The following RALGPS2 variants were observed in gnomAD, a reference collection of about 807,000 sequenced individuals.
RALGPS2 encodes the protein Ral GEF with PH domain and SH3 binding motif 2.
Under a neutral mutation model 86.8 loss-of-function variants are expected in RALGPS2, and 43 were observed. That is an observed-to-expected ratio of 0.50 (90% CI 0.39 to 0.64). The LOEUF is 0.64. RALGPS2 is among the 30% of genes least tolerant of loss of function. The pLI is 0.00. For missense variants in RALGPS2, 536 were observed against 694.6 expected, an observed-to-expected ratio of 0.77 and a Z score of 2.57; for synonymous variants, 243 against 231.3, an observed-to-expected ratio of 1.05 and a Z score of -0.46.
chr1:178,738,552 T>C (rs1371697915), intron 1 of RALGPS2, among the ~76,000 whole-genome samples: 1 of 152,232 alleles, frequency 6.6e-6, no homozygotes, highest in Non-Finnish European at 1.5e-5. Context: ...AATGTGAATG[T>C]CAAAACTAAA....
intron 4 of RALGPS2, among the ~76,000 whole-genome samples, chr1:178,786,207 T>C (rs1653642170): frequency 6.6e-6 from 1 of 152,044 alleles, no homozygotes; most frequent in African/African-American, 2.4e-5. Context: ...ATGTGTTGTT[T>C]ACAGGTCAGC....
chr1:178,822,874 G>A (rs1006795825), intron 7 of RALGPS2, among the ~76,000 whole-genome samples: 14 of 152,148 alleles, frequency 9.2e-5, no homozygotes, highest in African/African-American at 3.4e-4. Flanking sequence ...CCAGGCTGGA[G>A]TGTAGCACGA....
chr1:178,746,337 A>T (rs548884666), intron 1 of RALGPS2, among the ~76,000 whole-genome samples: 7 of 152,140 alleles, frequency 4.6e-5, no homozygotes, highest in Non-Finnish European at 8.8e-5. Context: ...CCTTATATAT[A>T]TTTTTTTATT....
chr1:178,773,245 G>A (rs1426895626), intron 1 of RALGPS2, among the ~76,000 whole-genome samples: 1 of 152,264 alleles, frequency 6.6e-6, no homozygotes, highest in African/African-American at 2.4e-5. Flanking sequence ...AGAAAGCTGA[G>A]GTGGTGGGAG....
intron 8 of RALGPS2, chr1:178,853,600 A>G: frequency 2.5e-6 from 4 of 1,594,292 alleles, no homozygotes; most frequent in Non-Finnish European, 3.4e-6. Flanking sequence ...TTACCTTATA[A>G]TTTTCCCAAT....
At chr1:178,760,948 A>G (rs1652207116) in intron 1 of RALGPS2, among the ~76,000 whole-genome samples, 1 of 150,416 alleles carries the variant, frequency 6.6e-6, no homozygotes, top group Admixed American at 6.6e-5. Context: ...CGGTCAGTTT[A>G]CATAATCCCA....
chr1:178,819,451 A>G (rs867379550), intron 6 of RALGPS2, among the ~76,000 whole-genome samples: 3 of 152,150 alleles, frequency 2.0e-5, no homozygotes, highest in Admixed American at 6.5e-5. Context: ...CGCTCAGGCA[A>G]TGAGTCCTTC....
At chr1:178,783,210 A>G (rs1429341922) in intron 2 of RALGPS2, among the ~76,000 whole-genome samples, 9 of 152,322 alleles carry the variant, frequency 5.9e-5, no homozygotes, top group African/African-American at 2.2e-4. Flanking sequence ...ACAAAAACGA[A>G]GAATGCCTTT....
At chr1:178,794,047 A>C (rs528300833) in intron 4 of RALGPS2, among the ~76,000 whole-genome samples, 1 of 152,320 alleles carries the variant, frequency 6.6e-6, no homozygotes, top group South Asian at 2.1e-4. Flanking sequence ...TCTTATATAC[A>C]TAGTTCTCCT....
At chr1:178,816,261 T>A (rs1408085119) in intron 6 of RALGPS2, among the ~76,000 whole-genome samples, 1 of 152,174 alleles carries the variant, frequency 6.6e-6, no homozygotes, top group East Asian at 1.9e-4. Context: ...TTTTTTTTTT[T>A]AATCTGGCCT....
At chr1:178,810,724 A>C (rs1469912298) in intron 5 of RALGPS2, among the ~76,000 whole-genome samples, 2 of 152,032 alleles carry the variant, frequency 1.3e-5, no homozygotes, top group South Asian at 2.1e-4. Context: ...TGCAAGTAAA[A>C]TCTGAAATAT....
At chr1:178,739,837 G>A (rs1053409086) in intron 1 of RALGPS2, among the ~76,000 whole-genome samples, 3 of 152,194 alleles carry the variant, frequency 2.0e-5, no homozygotes, top group Admixed American at 2.0e-4. Context: ...TGCTGCACTT[G>A]TTTATCTAAA....
chr1:178,808,880 C>CT (rs1349779079), intron 5 of RALGPS2, among the ~76,000 whole-genome samples: 1 of 151,950 alleles, frequency 6.6e-6, no homozygotes, highest in Non-Finnish European at 1.5e-5. Context: ...TTAATTTTTT[C>CT]TTTTTTTAGA....
chr1:178,900,917 A>G (rs962388751), intron 17 of RALGPS2, among the ~76,000 whole-genome samples: 1 of 151,984 alleles, frequency 6.6e-6, no homozygotes, highest in African/African-American at 2.4e-5. Flanking sequence ...TACTTTTTGA[A>G]AAAGGGAATT....
chr1:178,839,212 A>G lies in RALGPS2; in HGVS notation c.607+5662A>G, dbSNP rs369599058. On this transcript the variant is annotated intron_variant, in intron 8 of 19. Transcript: ENST00000367635. ...AGCAACTCCAAGACACATAATTGCCAGATTCACCAAAGTTGAAATGAAGGA... is the reference window on the plus strand; with the variant it reads ...AGCAACTCCAAGACACATAATTGCCGGATTCACCAAAGTTGAAATGAAGGA... 9.2e-5 allele frequency among the ~76,000 whole-genome samples: 14 copies of G among 152,344 alleles called. No individual in the cohort carries two copies. In the South Asian group the frequency reaches 1.0e-3, roughly 11 times the overall value.
chr1:178,909,220 G>C (rs992073047), intron 19 of RALGPS2, among the ~76,000 whole-genome samples: 1 of 152,126 alleles, frequency 6.6e-6, no homozygotes, highest in African/African-American at 2.4e-5. Flanking sequence ...GTAGGTGTGA[G>C]GCATTATTTC....
At chr1:178,779,227 T>C (rs558595144) in intron 2 of RALGPS2, among the ~76,000 whole-genome samples, 1 of 152,344 alleles carries the variant, frequency 6.6e-6, no homozygotes, top group East Asian at 1.9e-4. Context: ...AACTAGATGC[T>C]CACCCCTCTA....
At chr1:178,735,667 C>G (rs1244274527) in intron 1 of RALGPS2, among the ~76,000 whole-genome samples, 1 of 135,436 alleles carries the variant, frequency 7.4e-6, no homozygotes, top group African/African-American at 2.8e-5. Context: ...ACATGGGTGT[C>G]TACATTGTAA....
At chr1:178,763,894 G>A (rs996097301) in intron 1 of RALGPS2, among the ~76,000 whole-genome samples, 21 of 151,646 alleles carry the variant, frequency 1.4e-4, no homozygotes, top group African/African-American at 5.1e-4. Context: ...TTAATTTAAT[G>A]AGGATTGTTT....
Sources: allele counts gnomAD v4.1 joint callset (sites outside exome capture counted in the v4.1 genomes callset), GRCh38; gene constraint gnomAD v4.1.1; transcripts MANE v1.5; gene names NCBI Gene and HGNC (gene_info 2026-07-23, HGNC 2026-07-21).